The following GRM1 variants were observed in gnomAD, a reference collection of about 807,000 sequenced individuals.
GRM1 encodes the protein metabotropic glutamate receptor 1.
A neutral mutation model predicts 90.9 loss-of-function variants in GRM1; 33 were observed. That is an observed-to-expected ratio of 0.36 (90% CI 0.28 to 0.49). The LOEUF is 0.49. Among genes scored for constraint, GRM1 ranks in the 20% least tolerant of loss-of-function variants. GRM1 has a pLI of 0.99. For synonymous variants in GRM1, 700 were observed against 613.2 expected (o/e 1.14, Z -2.09); for missense variants, 1,190 against 1,534.3 (o/e 0.78, Z 3.75).
chr6:146,351,366 C>T (rs562603056), intron 3 of GRM1, among the ~76,000 whole-genome samples: 2 of 152,166 alleles, frequency 1.3e-5, no homozygotes, highest in Non-Finnish European at 2.9e-5. Context: ...TGAATTATGC[C>T]AGTGATGTTT....
chr6:146,377,675 A>G (rs1459168543), intron 5 of GRM1, among the ~76,000 whole-genome samples: 12 of 152,200 alleles, frequency 7.9e-5, no homozygotes. Context: ...GAGTAGCCCA[A>G]TGCTAATCAC....
At chr6:146,393,061 G>A (rs184252978) in intron 6 of GRM1, among the ~76,000 whole-genome samples, 72 of 152,228 alleles carry the variant, frequency 4.7e-4, no homozygotes, top group Non-Finnish European at 6.6e-4. Flanking sequence ...TAATGGGATC[G>A]CTGGGTCAAA....
intron 2 of GRM1, among the ~76,000 whole-genome samples, chr6:146,214,441 G>A (rs1779798625): frequency 6.6e-6 from 1 of 152,200 alleles, no homozygotes; most frequent in Non-Finnish European, 1.5e-5. Flanking sequence ...AAGGTTGTCA[G>A]AGAAAACCTG....
upstream of GRM1, among the ~76,000 whole-genome samples, chr6:146,028,805 C>A (rs571193085): frequency 6.6e-6 from 1 of 152,108 alleles, no homozygotes; most frequent in Non-Finnish European, 1.5e-5. Context: ...AATGAGTTTC[C>A]AAATTTTCTT....
At chr6:146,316,116 G>A (rs1455936587) in intron 3 of GRM1, among the ~76,000 whole-genome samples, 4 of 152,116 alleles carry the variant, frequency 2.6e-5, no homozygotes, top group Non-Finnish European at 5.9e-5. Context: ...AACATTAGAG[G>A]GTCAGCAGGC....
At chr6:146,346,864 T>G (rs1223753997) in intron 3 of GRM1, among the ~76,000 whole-genome samples, 3 of 152,216 alleles carry the variant, frequency 2.0e-5, no homozygotes, top group Admixed American at 6.5e-5. Context: ...AAATAAGCAG[T>G]GGAGAGCTAC....
intron 5 of GRM1, among the ~76,000 whole-genome samples, chr6:146,376,792 T>C (rs1164364989): frequency 6.6e-6 from 1 of 152,098 alleles, no homozygotes; most frequent in African/African-American, 2.4e-5. Context: ...CTATAACTGA[T>C]ATGGTTTGGC....
intron 2 of GRM1, among the ~76,000 whole-genome samples, chr6:146,211,137 A>C (rs1038983937): frequency 1.3e-5 from 2 of 152,086 alleles, no homozygotes; most frequent in African/African-American, 2.4e-5. Context: ...AAAAAAAAAA[A>C]ACATTTGGCT....
At chr6:146,031,806 G>A (rs1582901679) in intron 1 of GRM1, among the ~76,000 whole-genome samples, 3 of 152,274 alleles carry the variant, frequency 2.0e-5, no homozygotes, top group Admixed American at 2.0e-4. Flanking sequence ...AAGTTAAAAT[G>A]TGTTAAATAT....
chr6:146,033,645 A>G (rs932893095), intron 1 of GRM1, among the ~76,000 whole-genome samples: 11 of 152,062 alleles, frequency 7.2e-5, no homozygotes, highest in African/African-American at 2.7e-4. Context: ...TTATTAAAAT[A>G]TCCACTTTAA....
At chr6:146,397,306 C>G (rs1024980050) in intron 6 of GRM1, among the ~76,000 whole-genome samples, 1 of 151,604 alleles carries the variant, frequency 6.6e-6, no homozygotes, top group Non-Finnish European at 1.5e-5. Flanking sequence ...AACCCCGTCT[C>G]TAGTAAAAAT....
At chr6:146,312,135 A>G (rs1562600087) in intron 3 of GRM1, among the ~76,000 whole-genome samples, 1 of 151,900 alleles carries the variant, frequency 6.6e-6, no homozygotes, top group Non-Finnish European at 1.5e-5. Flanking sequence ...AGGTCAGGAG[A>G]TGGAGACCAT....
chr6:146,217,917 T>C (rs1385503029), intron 2 of GRM1, among the ~76,000 whole-genome samples: 1 of 152,212 alleles, frequency 6.6e-6, no homozygotes, highest in Non-Finnish European at 1.5e-5. Context: ...ATTACAGTAG[T>C]AGCAAAATCA....
chr6:146,282,579 A>T (rs950848732), intron 2 of GRM1, among the ~76,000 whole-genome samples: 1 of 152,164 alleles, frequency 6.6e-6, no homozygotes, highest in African/African-American at 2.4e-5. Context: ...AGGGTGGAAA[A>T]TTAGTACAAA....
At chr6:146,334,911 G>C (rs914798299) in intron 3 of GRM1, among the ~76,000 whole-genome samples, 7 of 152,208 alleles carry the variant, frequency 4.6e-5, no homozygotes, top group Admixed American at 1.3e-4. Flanking sequence ...GGTGATATAT[G>C]ATGAGACTTC....
intron 1 of GRM1, among the ~76,000 whole-genome samples, chr6:146,123,907 A>G (rs946388103): frequency 6.6e-6 from 1 of 152,198 alleles, no homozygotes; most frequent in East Asian, 1.9e-4. Flanking sequence ...GAAACAGGCA[A>G]GATTGATACA....
chr6:146,273,619 T>C (rs373940990), intron 2 of GRM1, among the ~76,000 whole-genome samples: 5 of 152,330 alleles, frequency 3.3e-5, no homozygotes, highest in African/African-American at 1.2e-4. Flanking sequence ...AGATGCACCA[T>C]TCTTACAGAG....
intron 2 of GRM1, among the ~76,000 whole-genome samples, chr6:146,295,458 C>T (rs1473118894): frequency 1.3e-5 from 2 of 151,618 alleles, no homozygotes; most frequent in African/African-American, 4.8e-5. Flanking sequence ...GTCTCGAACT[C>T]CTGACCTCAG....
intron 2 of GRM1, among the ~76,000 whole-genome samples, chr6:146,166,119 T>C (rs1777894183): frequency 1.3e-5 from 2 of 152,166 alleles, no homozygotes; most frequent in African/African-American, 2.4e-5. Context: ...AGAGACAATA[T>C]GGAATTTATC....
Sources: gnomAD v4.1 joint callset for allele counts (sites outside exome capture counted in the v4.1 genomes callset) on GRCh38, gnomAD v4.1.1 for gene constraint, MANE v1.5 for transcripts, NCBI Gene and HGNC (gene_info 2026-07-23, HGNC 2026-07-21) for gene names.